The following DTL variants were observed in gnomAD, a reference collection of about 807,000 sequenced individuals.
DTL encodes the protein denticleless E3 ubiquitin protein ligase adapter, also known as denticleless protein homolog.
A neutral mutation model predicts 87.0 loss-of-function variants in DTL; 46 were observed. That is an observed-to-expected ratio of 0.53 (90% CI 0.42 to 0.68). The LOEUF (loss-of-function observed/expected upper bound fraction) is 0.68, where lower values mean the gene tolerates loss of function less well. Ranked by LOEUF, DTL falls within the 30% of genes least tolerant of loss-of-function variation. The pLI, the probability that DTL is intolerant of heterozygous loss-of-function variation, is 0.00. For synonymous variants in DTL, 308 were observed against 311.2 expected, an observed-to-expected ratio of 0.99 and a Z score of 0.11; for missense variants, 737 against 869.4, an observed-to-expected ratio of 0.85 and a Z score of 1.91.
chr1:212,102,865 G>A lies in DTL; in HGVS notation c.2118G>A (p.Met706Ile), dbSNP rs773353350. The A allele has an allele frequency of 9.9e-6, 16 of 1,612,352 alleles. No individual in the cohort carries two copies. The South Asian group carries it at 1.8e-4, about 18-fold the overall frequency. ...AGGTCACCATCACGCCCAGCTCCATGAGGAAAATCTGCACATACTTCCATA... is the reference window on the plus strand; with the variant it reads ...AGGTCACCATCACGCCCAGCTCCATAAGGAAAATCTGCACATACTTCCATA... ...PSPVTITPSSMRKICTYFHRK... is the reference protein window; with the variant it reads ...PSPVTITPSSIRKICTYFHRK... The change falls in exon 15 of 15, where the codon ATG (methionine) becomes ATA (isoleucine). Residue 706 changes from methionine (M) to isoleucine (I), a missense_variant. Met to Ile is a conservative substitution (Grantham distance 10). Transcript: ENST00000366991.
In DTL at chr1:212,095,072, T is replaced by A. The variant is rs891367393; in HGVS notation, c.1262-5180T>A. 3.3e-5 allele frequency among the ~76,000 whole-genome samples: 5 copies of A among 152,290 alleles called. No homozygotes were observed. The East Asian group carries it at 9.6e-4, about 29-fold the overall frequency. On this transcript the variant is annotated intron_variant, in intron 13 of 14. Transcript: ENST00000366991. ...TTGACTTCCTCTTTACCAATTTGGATGCCTTTTAATTTCTCTTTTCTGACT... is the reference window on the plus strand; with the variant it reads ...TTGACTTCCTCTTTACCAATTTGGAAGCCTTTTAATTTCTCTTTTCTGACT...
chr1:212,048,684 C>T (rs988977453), intron 5 of DTL, among the ~76,000 whole-genome samples: 6 of 152,020 alleles, frequency 3.9e-5, no homozygotes, highest in African/African-American at 1.2e-4. Flanking sequence ...TTTTCTCCTT[C>T]CATTTGTTTC....
intron 13 of DTL, among the ~76,000 whole-genome samples, chr1:212,094,932 A>G (rs981426907): frequency 2.0e-5 from 3 of 152,218 alleles, no homozygotes; most frequent in African/African-American, 7.2e-5. Flanking sequence ...ATTTATGTAC[A>G]TTGATTTTGT....
At chr1:212,056,026 G>T (rs907268713) in intron 5 of DTL, among the ~76,000 whole-genome samples, 2 of 152,136 alleles carry the variant, frequency 1.3e-5, no homozygotes, top group Non-Finnish European at 2.9e-5. Context: ...CACAGCCACC[G>T]CCAACACTAG....
intron 13 of DTL, among the ~76,000 whole-genome samples, chr1:212,089,063 G>A (rs1220182912): frequency 1.3e-5 from 2 of 152,226 alleles, no homozygotes; most frequent in Non-Finnish European, 2.9e-5. Flanking sequence ...TCCAGCCTGG[G>A]CGACAAGACA....
chr1:212,054,723 A>T (rs1261258932), intron 5 of DTL, among the ~76,000 whole-genome samples: 1 of 150,088 alleles, frequency 6.7e-6, no homozygotes, highest in Non-Finnish European at 1.5e-5. Flanking sequence ...TGAACCTGGG[A>T]GACAGAGGTT....
At chr1:212,068,111 C>T (rs1214350700) in intron 8 of DTL, 113 bp from the exon 9 acceptor site, 1 of 633,514 alleles carries the variant, frequency 1.6e-6, no homozygotes, top group Non-Finnish European at 2.8e-6. Flanking sequence ...CCTTACTGTA[C>T]CTAGTTAATG....
intron 5 of DTL, among the ~76,000 whole-genome samples, chr1:212,048,812 A>T (rs1283582023): frequency 1.5e-5 from 2 of 130,290 alleles, no homozygotes; most frequent in African/African-American, 3.0e-5. Context: ...CTTTATCACT[A>T]AAAAAAAAAA....
At position 212,035,815 on chromosome 1, in the gene DTL, G is replaced by A; in HGVS notation, c.-76G>A. On this transcript the variant is annotated 5_prime_UTR_variant, in exon 1 of 15. Coordinates refer to ENST00000366991, the MANE Select transcript of DTL (RefSeq NM_016448.4). The stretch of plus-strand genomic sequence containing the variant: ...GATAACGATTTGTGTTGTGAGAGGC[G>A]CAAGCTGCGATTTCTGCTGAACTTG... 1.4e-6 allele frequency: 2 copies of A among 1,439,216 alleles called. No homozygotes were observed. The highest frequency in any genetic ancestry group is 1.9e-6 in the Non-Finnish European group (2 of 1,027,008). The allele number at this position is 1,439,216 out of a possible 1,614,324, so 89.2% of individuals were successfully genotyped here.
chr1:212,084,868 T>C (rs1285428791), intron 13 of DTL, among the ~76,000 whole-genome samples: 1 of 152,144 alleles, frequency 6.6e-6, no homozygotes, highest in Non-Finnish European at 1.5e-5. Flanking sequence ...TCAGGATCCA[T>C]GGGGGATTGG....
chr1:212,095,842 G>C lies in DTL; in HGVS notation c.1262-4410G>C, dbSNP rs916586308. 2.0e-5 allele frequency among the ~76,000 whole-genome samples: 3 copies of C among 151,946 alleles called. No homozygotes were observed. The East Asian group carries it at 5.8e-4, about 29-fold the overall frequency. ...ATATTGGTCTGTAGTTTTCTTTTTT[G>C]TCATGTCCTTTCCTGGTTTTGGTAT... is the stretch of plus-strand genomic sequence containing the variant. On this transcript the variant is annotated intron_variant, in intron 13 of 14. Transcript: ENST00000366991.
rs566440188 is a variant in DTL at position 212,102,960 on chromosome 1, ACTGAGCTTTGGTCCACTAAAACAAG to A, written c.*46_*70del. 2,132 of 1,458,952 alleles carry A rather than the reference ACTGAGCTTTGGTCCACTAAAACAAG, an allele frequency of 1.5e-3. 24 individuals carry two copies. The African/African-American group carries it at 0.016, about 11-fold the overall frequency. 90.4% of individuals were successfully genotyped at this position (1,458,952 alleles called of 1,614,324 possible). A position where few individuals can be genotyped will look rare whatever the true frequency, so the allele number is the denominator to read the frequency against. On this transcript the variant is annotated 3_prime_UTR_variant, in exon 15 of 15. Coordinates refer to ENST00000366991, the MANE Select transcript of DTL (RefSeq NM_016448.4). ...TTATAGATTCTAATCTGAGTGAGTT[ACTGAGCTTTGGTCCACTAAAACAAG>A]CTGAGCTTTGGTCCACTAAAACAAG...
intron 11 of DTL, among the ~76,000 whole-genome samples, chr1:212,075,726 A>G (rs1654808122): frequency 6.6e-6 from 1 of 152,248 alleles, no homozygotes; most frequent in African/African-American, 2.4e-5. Context: ...TAGAATTCAT[A>G]TAACATATAA....
intron 13 of DTL, among the ~76,000 whole-genome samples, chr1:212,090,628 A>G (rs1655254189): frequency 6.6e-6 from 1 of 152,224 alleles, no homozygotes; most frequent in Non-Finnish European, 1.5e-5. Flanking sequence ...AGTACTTGCC[A>G]TTGTATGTAA....
chr1:212,052,332 C>T (rs1668008291), intron 5 of DTL, among the ~76,000 whole-genome samples: 1 of 151,998 alleles, frequency 6.6e-6, no homozygotes, highest in Non-Finnish European at 1.5e-5. Context: ...ATTTTTCTAT[C>T]ATTTCTTGAA....
intron 1 of DTL, among the ~76,000 whole-genome samples, chr1:212,037,720 C>G (rs1304817334): frequency 6.6e-6 from 1 of 152,126 alleles, no homozygotes; most frequent in Non-Finnish European, 1.5e-5. Context: ...AGATAATTAT[C>G]CAAGTTTTGG....
At position 212,040,056 on chromosome 1, in the gene DTL, C is replaced by T. The variant is rs149482297; in HGVS notation, c.53-2937C>T. 2.9e-3 allele frequency among the ~76,000 whole-genome samples: 435 copies of T among 152,284 alleles called. 1 individual carries two copies. The highest frequency in any genetic ancestry group is 5.0e-3 in the Non-Finnish European group (342 of 68,012). ...TTACTGTAACTTTTAAACTTACAAA[C>T]ATCTTAAATTTTTTAACTTTTTGAC... is the stretch of plus-strand genomic sequence containing the variant. On this transcript the variant is annotated intron_variant, in intron 1 of 14. Coordinates refer to ENST00000366991, the MANE Select transcript of DTL (RefSeq NM_016448.4).
intron 1 of DTL, among the ~76,000 whole-genome samples, chr1:212,040,533 A>C (rs930863578): frequency 1.3e-5 from 2 of 152,272 alleles, no homozygotes; most frequent in Non-Finnish European, 2.9e-5. Context: ...GCCTCTCGGA[A>C]TATCTCATGG....
chr1:212,082,369 AGT>A (rs1490319462), intron 13 of DTL, among the ~76,000 whole-genome samples: 1 of 152,180 alleles, frequency 6.6e-6, no homozygotes, highest in African/African-American at 2.4e-5. Flanking sequence ...AAAGAAGAGA[AGT>A]GAAGTGGTAG....
Sources: allele counts gnomAD v4.1 joint callset (sites outside exome capture counted in the v4.1 genomes callset), GRCh38; gene constraint gnomAD v4.1.1; transcripts MANE v1.5; gene names NCBI Gene and HGNC (gene_info 2026-07-23, HGNC 2026-07-21).